The following SLC22A23 variants were observed in gnomAD, a reference collection of about 807,000 sequenced individuals.
SLC22A23 encodes the protein ion transporter protein.
SLC22A23 carries 26 observed loss-of-function variants against 61.0 expected under a neutral mutation model. The ratio of observed to expected loss-of-function variants is 0.43; its 90% CI spans 0.31 to 0.59. The LOEUF (loss-of-function observed/expected upper bound fraction) is 0.59. SLC22A23 is among the 20% of genes least tolerant of loss of function. The pLI, the probability that SLC22A23 is intolerant of heterozygous loss-of-function variation, is 0.11. For missense variants in SLC22A23, 796 were observed against 934.7 expected (o/e 0.85, Z 1.94); for synonymous variants, 430 against 413.9 (o/e 1.04, Z -0.47).
intron 5 of SLC22A23, among the ~76,000 whole-genome samples, chr6:3,293,223 A>G (rs13215262): frequency 0.2 from 30,574 of 152,164 alleles, 5,536 homozygotes; most frequent in African/African-American, 0.48. Context: ...AAAGCAAGAA[A>G]AGAAAAAGGA....
chr6:3,419,886 A>G (rs1770002080), intron 1 of SLC22A23, among the ~76,000 whole-genome samples: 1 of 152,202 alleles, frequency 6.6e-6, no homozygotes, highest in South Asian at 2.1e-4. Flanking sequence ...AGCAGACAAG[A>G]TAAGGCCAAG....
At chr6:3,294,005 T>C (rs940061629) in intron 5 of SLC22A23, among the ~76,000 whole-genome samples, 1 of 152,138 alleles carries the variant, frequency 6.6e-6, no homozygotes, top group Non-Finnish European at 1.5e-5. Context: ...GGACGGAGGA[T>C]GCCTGCACCC....
At position 3,456,441 on chromosome 6, in the gene SLC22A23, C is replaced by A; in HGVS notation, c.119G>T (p.Gly40Val). ...CGCGCCGCCGCCGGGGCCCGCGCGT[C>A]CCCCGAGGGGCGCCGAGGCCGCCGC... ...GDAAASAPLG[G>V]RAGPGGGAEI... Residue 40 changes from glycine (G) to valine (V), a missense_variant, in exon 1 of 10, where the codon GGA (glycine) becomes GTA (valine). Transcript: ENST00000406686. This position sits in a 1 kb window ranked among gnomAD's most constrained non-coding sequence, Gnocchi z 7.1. 2 of 1,288,326 alleles carry A rather than the reference C, an allele frequency of 1.6e-6. No individual in the cohort carries two copies. The highest frequency in any genetic ancestry group is 3.1e-5 in the African/African-American group (2 of 64,144). 79.8% of individuals were successfully genotyped at this position (1,288,326 alleles called of 1,614,324 possible).
At chr6:3,385,471 G>A (rs1303384198) in intron 3 of SLC22A23, among the ~76,000 whole-genome samples, 1 of 152,118 alleles carries the variant, frequency 6.6e-6, no homozygotes, top group Non-Finnish European at 1.5e-5. Context: ...TGCAGAGATG[G>A]TGCCACTGCA....
intron 3 of SLC22A23, among the ~76,000 whole-genome samples, chr6:3,352,257 ACACACACAGACATG>A (rs916696995): frequency 2.9e-5 from 4 of 137,426 alleles, no homozygotes; most frequent in African/African-American, 9.3e-5. Flanking sequence ...TCACAAACAT[ACACACACAGACATG>A]CACACACACA....
chr6:3,393,187 C>T (rs1309645219), intron 3 of SLC22A23, among the ~76,000 whole-genome samples: 1 of 152,080 alleles, frequency 6.6e-6, no homozygotes, highest in African/African-American at 2.4e-5. Flanking sequence ...ACCTGAGCAG[C>T]GGGGGTGACG....
At chr6:3,413,130 G>C (rs998547981) in intron 2 of SLC22A23, among the ~76,000 whole-genome samples, 1 of 152,176 alleles carries the variant, frequency 6.6e-6, no homozygotes. Flanking sequence ...TGGAGGAGAT[G>C]GTAATAAAGG....
At chr6:3,431,655 G>A (rs1008839766) in intron 1 of SLC22A23, among the ~76,000 whole-genome samples, 1 of 152,036 alleles carries the variant, frequency 6.6e-6, no homozygotes, top group Non-Finnish European at 1.5e-5. Flanking sequence ...AGGAAATTTT[G>A]AAAAAGAGGT....
At chr6:3,296,911 T>C (rs1253811164) in intron 5 of SLC22A23, among the ~76,000 whole-genome samples, 5 of 152,220 alleles carry the variant, frequency 3.3e-5, no homozygotes, top group African/African-American at 1.2e-4. Context: ...GATTTGGGGT[T>C]CCCGTGCATC....
rs977104031 is a variant in SLC22A23 at position 3,309,632 on chromosome 6, G to A, written c.1083-11414C>T. Among the ~76,000 whole-genome samples, 14 of 152,196 alleles carry A rather than the reference G, an allele frequency of 9.2e-5. No individual in the cohort carries two copies. The highest frequency in any genetic ancestry group is 2.1e-4 in the Non-Finnish European group (14 of 68,040). On this transcript the variant is annotated intron_variant, in intron 4 of 9. Coordinates refer to ENST00000406686, the MANE Select transcript of SLC22A23 (RefSeq NM_015482.2). The surrounding 1 kb of genome is among the most constrained non-coding windows in gnomAD (Gnocchi z 4.7). ...GTGGGCTGACGAGCAGGTGGCAGGA[G>A]GCAGCGGGCCAGCTGCACACAGGCG...
rs1156850748 is a variant in SLC22A23, at chr6:3,269,338, A to T, written c.*3717T>A. On this transcript the variant is annotated 3_prime_UTR_variant, in exon 10 of 10. Coordinates refer to ENST00000406686, the MANE Select transcript of SLC22A23 (RefSeq NM_015482.2). Reference sequence around the variant, plus strand: ...AAGACACAGCTTACAGAGGCGTTCAAAGTAGTGACGCAGTGAGGTCTGAAT... The same window carrying T: ...AAGACACAGCTTACAGAGGCGTTCATAGTAGTGACGCAGTGAGGTCTGAAT... 6.6e-6 allele frequency: 1 copy of T among 152,348 alleles called. No homozygotes were observed. Among genetic ancestry groups the T allele is most frequent in the African/African-American group, 2.4e-5 (1 of 41,448 alleles). The allele number at this position is 152,348 out of a possible 1,614,324, so 9.4% of individuals were successfully genotyped here.
intron 9 of SLC22A23, 25 bp from the exon 10 acceptor site, chr6:3,273,437 A>T: frequency 1.2e-6 from 2 of 1,609,136 alleles, no homozygotes; most frequent in African/African-American, 2.7e-5. Context: ...AAGCACAGGG[A>T]TTGCTGCTGT....
At position 3,286,540 on chromosome 6, in the gene SLC22A23, C is replaced by T. The variant is rs1417599385; in HGVS notation, c.1546+319G>A. Among the ~76,000 whole-genome samples, 1 of 152,218 alleles carries T rather than the reference C, an allele frequency of 6.6e-6. No homozygotes were observed. Among genetic ancestry groups the T allele is most frequent in the Non-Finnish European group, 1.5e-5 (1 of 68,040 alleles). ...CCCCCTTAATGTCACTCGAAAGAGACAATCCTTTGTTCTTCTTGGTCATGT... is the reference window on the plus strand; with the variant it reads ...CCCCCTTAATGTCACTCGAAAGAGATAATCCTTTGTTCTTCTTGGTCATGT... On this transcript the variant is annotated intron_variant, in intron 7 of 9. Coordinates refer to ENST00000406686, the MANE Select transcript of SLC22A23 (RefSeq NM_015482.2). The surrounding 1 kb of genome is among the most constrained non-coding windows in gnomAD (Gnocchi z 4.2).
intron 3 of SLC22A23, among the ~76,000 whole-genome samples, chr6:3,366,354 A>AAAAT (rs1765830673): frequency 1.3e-5 from 1 of 78,406 alleles, no homozygotes; most frequent in Admixed American, 1.3e-4. Flanking sequence ...AAAAAAAAAA[A>AAAAT]AAAGAAAGAA....
intron 3 of SLC22A23, among the ~76,000 whole-genome samples, chr6:3,351,278 C>T (rs772014009): frequency 3.3e-5 from 5 of 152,178 alleles, no homozygotes; most frequent in South Asian, 2.1e-4. Context: ...GCATTCTAGC[C>T]GGATGGCCCT....
intron 1 of SLC22A23, among the ~76,000 whole-genome samples, chr6:3,416,812 G>C (rs1034301114): frequency 1.8e-4 from 27 of 152,244 alleles, no homozygotes; most frequent in African/African-American, 6.5e-4. Context: ...AGACGGGGGT[G>C]GGGTGGTGCA....
rs763336362 is a variant in SLC22A23 at position 3,317,767 on chromosome 6, C to T, written c.1082+6067G>A. ...CACTCACAAGGGCTCTTTCTTCTGC[C>T]GCTCCTGCTTCACAACTAAGTGCTC... On this transcript the variant is annotated intron_variant, in intron 4 of 9. Transcript: ENST00000406686. The surrounding 1 kb of genome is among the most constrained non-coding windows in gnomAD (Gnocchi z 4.4). Among the ~76,000 whole-genome samples, 15 of 152,154 alleles carry T rather than the reference C, an allele frequency of 9.9e-5. No individual in the cohort carries two copies. In the East Asian group the frequency reaches 1.7e-3, roughly 18 times the overall value.
intron 3 of SLC22A23, among the ~76,000 whole-genome samples, chr6:3,348,836 G>A (rs1048614944): frequency 6.6e-6 from 1 of 152,208 alleles, no homozygotes; most frequent in Non-Finnish European, 1.5e-5. Flanking sequence ...CCCAGCCAAC[G>A]GACCGGGTCC....
chr6:3,456,326 C>T lies in SLC22A23; in HGVS notation c.234G>A (p.Leu78=), dbSNP rs1408261964. Residue 78 remains leucine, a synonymous_variant, in exon 1 of 10, where the codon CTG becomes CTA. Coordinates refer to ENST00000406686, the MANE Select transcript of SLC22A23 (RefSeq NM_015482.2). This position sits in a 1 kb window ranked among gnomAD's most constrained non-coding sequence, Gnocchi z 7.1. ...AGGGCAGCACCGACCCGTCATAGTC[C>T]AGCAACAAGAGGCTCGGGGCCGCAG... The part of the protein sequence containing the change: ...SAAAAPSLLL[L]DYDGSVLPFL... 2 of 1,550,476 alleles carry T rather than the reference C, an allele frequency of 1.3e-6. No individual in the cohort carries two copies. Among genetic ancestry groups the T allele is most frequent in the South Asian group, 1.2e-5 (1 of 84,052 alleles).
Sources: gnomAD v4.1 joint callset for allele counts (sites outside exome capture counted in the v4.1 genomes callset) on GRCh38, gnomAD v4.1.1 for gene constraint, Gnocchi (gnomAD v3.1) non-coding constraint, MANE v1.5 for transcripts, NCBI Gene and HGNC (gene_info 2026-07-23, HGNC 2026-07-21) for gene names.